ZDHHC13: variants seen among roughly 807,000 people sequenced by gnomAD.
The protein encoded by ZDHHC13 is palmitoyltransferase ZDHHC13.
In ZDHHC13, 85 loss-of-function variants were observed where a neutral mutation model predicts 86.0. That is an observed-to-expected ratio of 0.99 (90% CI 0.83 to 1.18). The LOEUF (loss-of-function observed/expected upper bound fraction) is 1.18, where lower values mean the gene tolerates loss of function less well. Among genes scored for constraint, ZDHHC13 ranks in the 50% most tolerant of loss-of-function variants. The pLI, the probability that ZDHHC13 is intolerant of heterozygous loss-of-function variation, is 0.00. For missense variants in ZDHHC13, 711 were observed against 730.2 expected (o/e 0.97, Z 0.30); for synonymous variants, 263 against 246.4 (o/e 1.07, Z -0.63).
intron 15 of ZDHHC13, 59 bp downstream of exon 15, chr11:19,170,627 C>T: frequency 7.0e-7 from 1 of 1,427,642 alleles, no homozygotes. Context: ...TGTAGTGAGA[C>T]AGCCTTGAAT....
At chr11:19,141,026 T>C (rs1381032638) in intron 1 of ZDHHC13, among the ~76,000 whole-genome samples, 1 of 151,204 alleles carries the variant, frequency 6.6e-6, no homozygotes, top group Non-Finnish European at 1.5e-5. Context: ...GTAACTAACC[T>C]GCACATTGTG....
intron 8 of ZDHHC13, among the ~76,000 whole-genome samples, chr11:19,155,233 A>C (rs1244616297): frequency 6.6e-6 from 1 of 152,192 alleles, no homozygotes; most frequent in Non-Finnish European, 1.5e-5. Flanking sequence ...TCTCATTAAC[A>C]GTTTTCTAAA....
intron 1 of ZDHHC13, among the ~76,000 whole-genome samples, chr11:19,135,216 C>A (rs900806703): frequency 5.3e-5 from 8 of 152,248 alleles, no homozygotes; most frequent in African/African-American, 1.9e-4. Context: ...TGGGTGCACG[C>A]ACGGTGTGCG....
chr11:19,123,039 T>C (rs1376668453), intron 1 of ZDHHC13, among the ~76,000 whole-genome samples: 1 of 152,238 alleles, frequency 6.6e-6, no homozygotes, highest in East Asian at 1.9e-4. Flanking sequence ...CCTGCTATTA[T>C]TATTTCACTC....
intron 8 of ZDHHC13, among the ~76,000 whole-genome samples, chr11:19,153,317 AT>A (rs931111124): frequency 2.0e-5 from 3 of 152,190 alleles, no homozygotes; most frequent in Non-Finnish European, 2.9e-5. Flanking sequence ...GTCTAAGAAA[AT>A]CTAAGTCATA....
Position 19,173,840 on chromosome 11 carries a change from T to A in ZDHHC13, c.1730+1020T>A, listed in dbSNP as rs74472649. Among the ~76,000 whole-genome samples the A allele has an allele frequency of 6.8e-3, 1,033 of 152,078 alleles. 12 individuals carry two copies. Among genetic ancestry groups the A allele is most frequent in the African/African-American group, 0.023 (973 of 41,476 alleles). The stretch of plus-strand genomic sequence containing the variant: ...TTGAGAGATGTGGGGCAGGGCACAA[T>A]GGAGTTGGGAGGGAGGAAGGGCATT... On this transcript the variant is annotated intron_variant, in intron 16 of 16. Transcript: ENST00000446113.
intron 6 of ZDHHC13, 84 bp from the exon 7 acceptor site, chr11:19,152,074 A>G (rs1459664502): frequency 7.0e-7 from 1 of 1,424,122 alleles, no homozygotes; most frequent in Non-Finnish European, 9.5e-7. Context: ...TGATGGCATT[A>G]TCTTAAAAGA....
chr11:19,136,371 GA>G (rs1157512800), intron 1 of ZDHHC13, among the ~76,000 whole-genome samples: 1 of 152,092 alleles, frequency 6.6e-6, no homozygotes. Flanking sequence ...GAAGTTTAGA[GA>G]AAAAAGAATA....
intron 4 of ZDHHC13, 71 bp downstream of exon 4, chr11:19,147,744 A>T: frequency 1.8e-6 from 2 of 1,092,250 alleles, no homozygotes; most frequent in Non-Finnish European, 2.6e-6. Context: ...AAAATCAGTT[A>T]TAGACGATTT....
intron 1 of ZDHHC13, among the ~76,000 whole-genome samples, chr11:19,137,909 G>A (rs1421423850): frequency 6.6e-6 from 1 of 151,444 alleles, no homozygotes; most frequent in Non-Finnish European, 1.5e-5. Context: ...CGCATTCAAA[G>A]CAGTGTGTAG....
intron 13 of ZDHHC13, among the ~76,000 whole-genome samples, chr11:19,165,515 C>T (rs565169055): frequency 1.8e-4 from 28 of 152,244 alleles, no homozygotes; most frequent in East Asian, 7.7e-4. Flanking sequence ...AGGAGAAGGT[C>T]GGACCATGAT....
intron 14 of ZDHHC13, chr11:19,168,128 T>C (rs888519749): frequency 2.0e-5 from 3 of 152,230 alleles, no homozygotes; most frequent in African/African-American, 7.2e-5. Context: ...TCTTAGATTA[T>C]GTCTTATGGT....
intron 11 of ZDHHC13, 71 bp downstream of exon 11, chr11:19,163,498 T>TA: frequency 7.2e-7 from 1 of 1,388,274 alleles, no homozygotes; most frequent in East Asian, 2.6e-5. Context: ...TATGCACATA[T>TA]GCAGATGTGT....
chr11:19,121,944 G>A (rs545730983), intron 1 of ZDHHC13, among the ~76,000 whole-genome samples: 1 of 152,072 alleles, frequency 6.6e-6, no homozygotes, highest in Non-Finnish European at 1.5e-5. Context: ...GTGCAATCAG[G>A]AGAGATTAGG....
At position 19,139,195 on chromosome 11, in the gene ZDHHC13, T is replaced by C. The variant is rs1170329149; in HGVS notation, c.28-3783T>C. On this transcript the variant is annotated intron_variant, in intron 1 of 16. Coordinates refer to ENST00000446113, the MANE Select transcript of ZDHHC13 (RefSeq NM_019028.3). The stretch of plus-strand genomic sequence containing the variant: ...GTCTCAGCCCAAAATCTCCTTAAGC[T>C]GATAAGCAACTTCAGCAAAGTCTCA... 4.8e-3 allele frequency among the ~76,000 whole-genome samples: 724 copies of C among 151,818 alleles called. 4 individuals are homozygous for C. The highest frequency in any genetic ancestry group is 0.017 in the African/African-American group (685 of 41,322).
At chr11:19,120,141 A>T (rs537867746) in intron 1 of ZDHHC13, among the ~76,000 whole-genome samples, 29 of 152,350 alleles carry the variant, frequency 1.9e-4, no homozygotes, top group African/African-American at 7.0e-4. Flanking sequence ...AAGATGCCCT[A>T]GTTATTTATT....
chr11:19,124,346 T>C (rs1383988510), intron 1 of ZDHHC13, among the ~76,000 whole-genome samples: 1 of 152,096 alleles, frequency 6.6e-6, no homozygotes, highest in Non-Finnish European at 1.5e-5. Context: ...TGTTAAAATA[T>C]ATATACATAA....
intron 8 of ZDHHC13, 55 bp from the exon 9 acceptor site, chr11:19,155,741 T>G: frequency 6.4e-7 from 1 of 1,574,320 alleles, no homozygotes; most frequent in African/African-American, 1.4e-5. Flanking sequence ...GCACTATTAT[T>G]AGATACTTAA....
At chr11:19,124,352 CATA>C (rs1407183207) in intron 1 of ZDHHC13, among the ~76,000 whole-genome samples, 4 of 151,904 alleles carry the variant, frequency 2.6e-5, no homozygotes, top group Non-Finnish European at 5.9e-5. Context: ...AATATATATA[CATA>C]ATGAGGGAAG....
Sources: gnomAD v4.1 joint callset for allele counts (sites outside exome capture counted in the v4.1 genomes callset) on GRCh38, gnomAD v4.1.1 for gene constraint, MANE v1.5 for transcripts, NCBI Gene and HGNC (gene_info 2026-07-23, HGNC 2026-07-21) for gene names.